The following DGKE variants were observed in gnomAD, a reference collection of about 807,000 sequenced individuals.
DGKE encodes the protein diacylglycerol kinase epsilon.
A neutral mutation model predicts 70.0 loss-of-function variants in DGKE; 53 were observed. The observed-to-expected ratio is 0.76, with a 90% CI of 0.61 to 0.95. DGKE has a LOEUF of 0.95. Among genes scored for constraint, DGKE ranks in the 40% least tolerant of loss-of-function variants. DGKE has a pLI of 0.00. For missense variants in DGKE, 655 were observed against 706.9 expected, an observed-to-expected ratio of 0.93 and a Z score of 0.83; for synonymous variants, 291 against 257.0, an observed-to-expected ratio of 1.13 and a Z score of -1.27.
rs1404893026 is a variant in DGKE, at chr17:56,865,421, A to C, written c.*2630A>C. 2 of 152,170 alleles carry C rather than the reference A, an allele frequency of 1.3e-5. No homozygotes were observed. Among genetic ancestry groups the C allele is most frequent in the African/African-American group, 4.8e-5 (2 of 41,438 alleles). 9.4% of individuals were successfully genotyped at this position (152,170 alleles called of 1,614,324 possible). On this transcript the variant is annotated 3_prime_UTR_variant, in exon 12 of 12. Transcript: ENST00000284061. ...TATAAACGTAGTGGCTTAAATACTG[A>C]ATACCTGGCAGCTCTTAAAGATCCC... is the stretch of plus-strand genomic sequence containing the variant.
At chr17:56,845,611 C>A in intron 3 of DGKE, 79 bp from the exon 4 acceptor site, 1 of 1,418,234 alleles carries the variant, frequency 7.1e-7, no homozygotes. Context: ...AATTATAGCA[C>A]CATTGTTCTC....
At chr17:56,855,077 A>G (rs1907864115) in intron 7 of DGKE, among the ~76,000 whole-genome samples, 1 of 151,898 alleles carries the variant, frequency 6.6e-6, no homozygotes, top group Admixed American at 6.6e-5. Context: ...ATATTGCCCC[A>G]CTCTTAGTTT....
intron 2 of DGKE, among the ~76,000 whole-genome samples, chr17:56,838,050 T>A (rs1375018621): frequency 6.6e-6 from 1 of 152,238 alleles, no homozygotes; most frequent in Non-Finnish European, 1.5e-5. Flanking sequence ...TTTTACATAT[T>A]CAATATATTT....
chr17:56,834,820 C>A lies in DGKE; in HGVS notation c.25C>A (p.Pro9Thr). 1 of 1,605,578 alleles carries A rather than the reference C, an allele frequency of 6.2e-7. No homozygotes were observed. Among genetic ancestry groups the A allele is most frequent in the Admixed American group, 1.7e-5 (1 of 59,726 alleles). MEAERRPA[P>T]GSPSEGLFAD... ...GATGGAAGCGGAGAGGCGGCCGGCG[C>A]CGGGCTCGCCCTCCGAGGGCCTGTT... Residue 9 changes from proline to threonine, a missense_variant, in exon 2 of 12, where the codon CCG becomes ACG. Physicochemically the swap from Pro to Thr is conservative, Grantham distance 38 (BLOSUM62 -1). Coordinates refer to ENST00000284061, the MANE Select transcript of DGKE (RefSeq NM_003647.3).
rs1598057926 is a variant in DGKE at position 56,869,141 on chromosome 17, A to C, written c.*6350A>C. 1 of 152,338 alleles carries C rather than the reference A, an allele frequency of 6.6e-6. No homozygotes were observed. Among genetic ancestry groups the C allele is most frequent in the East Asian group, 1.9e-4 (1 of 5,186 alleles). The allele number at this position is 152,338 out of a possible 1,614,324, so 9.4% of individuals were successfully genotyped here. ...AAGTGCTTACAGGAGCTGGGCAAGC[A>C]ACGAAGGTAAGAGTTGTAGAGACTT... On this transcript the variant is annotated 3_prime_UTR_variant, in exon 12 of 12. Transcript: ENST00000284061.
chr17:56,840,480 AT>A (rs1598019425), intron 2 of DGKE, among the ~76,000 whole-genome samples: 1 of 151,890 alleles, frequency 6.6e-6, no homozygotes, highest in Non-Finnish European at 1.5e-5. Flanking sequence ...GGCTCAAGTG[AT>A]TCACCCGCCT....
At chr17:56,846,663 C>CAAAT (rs3053942) in intron 4 of DGKE, among the ~76,000 whole-genome samples, 112,380 of 151,294 alleles carry the variant, frequency 0.74, 41,895 homozygotes, top group East Asian at 0.91. Context: ...ATTTTAAAGA[C>CAAAT]AACCCATTGT....
chr17:56,836,277 GTC>G (rs1332012861), intron 2 of DGKE: 5 of 152,148 alleles, frequency 3.3e-5, no homozygotes, highest in African/African-American at 1.2e-4. Context: ...CTGTTTTTAA[GTC>G]TTATTTTAAA....
In DGKE at chr17:56,864,980, A is replaced by G. The variant is rs1415868574; in HGVS notation, c.*2189A>G. The G allele has an allele frequency of 1.3e-5, 2 of 152,152 alleles. No individual in the cohort carries two copies. The highest frequency in any genetic ancestry group is 1.5e-5 in the Non-Finnish European group (1 of 67,982). The allele number at this position is 152,152 out of a possible 1,614,324, so 9.4% of individuals were successfully genotyped here. ...GTTTTTGCATCACTACTGGTCTGTC[A>G]TGAAGTTTTTCTGCTGGCTTATTCA... On this transcript the variant is annotated 3_prime_UTR_variant, in exon 12 of 12. Transcript: ENST00000284061.
chr17:56,861,168 A>T (rs1025670766), intron 9 of DGKE, among the ~76,000 whole-genome samples: 44 of 152,180 alleles, frequency 2.9e-4, no homozygotes, highest in African/African-American at 1.1e-3. Flanking sequence ...AGTCAAAGAA[A>T]TCAAAGATAA....
chr17:56,860,242 A>G (rs1445890101), intron 9 of DGKE, among the ~76,000 whole-genome samples: 1 of 152,220 alleles, frequency 6.6e-6, no homozygotes, highest in Admixed American at 6.5e-5. Flanking sequence ...GGGTGAAGAA[A>G]GATATTTAAG....
In DGKE at chr17:56,860,772, C is replaced by A. The variant is rs191915992; in HGVS notation, c.1285-1019C>A. On this transcript the variant is annotated intron_variant, in intron 9 of 11. Transcript: ENST00000284061. ...GATTGCTGTAGGCTAAAAACAGCATCTGCAAAAGACCCAGAGGCATACATG... is the reference window on the plus strand; with the variant it reads ...GATTGCTGTAGGCTAAAAACAGCATATGCAAAAGACCCAGAGGCATACATG... Among the ~76,000 whole-genome samples, 10 of 152,038 alleles carry A rather than the reference C, an allele frequency of 6.6e-5. No individual in the cohort carries two copies. The Middle Eastern group carries it at 0.01, about 157-fold the overall frequency.
rs544096052 is a variant in DGKE at position 56,859,456 on chromosome 17, G to C, written c.1284+791G>C. Among the ~76,000 whole-genome samples, 736 of 149,260 alleles carry C rather than the reference G, an allele frequency of 4.9e-3. 5 individuals are homozygous for C. The highest frequency in any genetic ancestry group is 0.017 in the African/African-American group (699 of 40,524). ...TTTTTTTGAGATGGAGTCTCACTCT[G>C]TCATCCAGGCTGGAGTGCAGTGGTG... On this transcript the variant is annotated intron_variant, in intron 9 of 11. Coordinates refer to ENST00000284061, the MANE Select transcript of DGKE (RefSeq NM_003647.3).
At chr17:56,855,657 G>A (rs9903097) in intron 7 of DGKE, among the ~76,000 whole-genome samples, 110,446 of 152,026 alleles carry the variant, frequency 0.73, 40,361 homozygotes, top group East Asian at 0.91. Flanking sequence ...CTTACCAGCA[G>A]TGTCCAGCAA....
rs1262216582 is a variant in DGKE, at chr17:56,861,769, ATC to A, written c.1285-20_1285-19del. On this transcript the variant is annotated intron_variant, in intron 9 of 11. Transcript: ENST00000284061. ...GGAAATTGTGTATCCTGTAGTCACT[ATC>A]TATTTGTATTTCTTTAAAGCTAGAA... The A allele has an allele frequency of 6.2e-7, 1 of 1,609,472 alleles. No homozygotes were observed. Among genetic ancestry groups the A allele is most frequent in the East Asian group, 2.2e-5 (1 of 44,808 alleles).
At position 56,863,229 on chromosome 17, in the gene DGKE, A is replaced by G. The variant is rs1201894721; in HGVS notation, c.*438A>G. ...TTTGAAAGGAAATGATTACTGTCAA[A>G]CCAGCATGGTTAATTGTGAGCATCC... On this transcript the variant is annotated 3_prime_UTR_variant, in exon 12 of 12. Coordinates refer to ENST00000284061, the MANE Select transcript of DGKE (RefSeq NM_003647.3). 6.5e-6 allele frequency: 1 copy of G among 152,890 alleles called. No individual in the cohort carries two copies. Among genetic ancestry groups the G allele is most frequent in the African/African-American group, 2.4e-5 (1 of 41,460 alleles). The allele number at this position is 152,890 out of a possible 1,614,324, so 9.5% of individuals were successfully genotyped here.
chr17:56,862,305 G>A, intron 11 of DGKE, 54 bp downstream of exon 11: 1 of 1,492,322 alleles, frequency 6.7e-7, no homozygotes, highest in Non-Finnish European at 9.3e-7. Context: ...ATTCTAAGCT[G>A]TTGATATGTA....
rs369616072 is a variant in DGKE, at chr17:56,862,226, G to C, written c.1499G>C (p.Arg500Pro). The change falls in exon 11 of 12, where the codon CGA becomes CCA. Residue 500 changes from arginine to proline, a missense_variant. Coordinates refer to ENST00000284061, the MANE Select transcript of DGKE (RefSeq NM_003647.3). Reference sequence around the variant, plus strand: ...CAAGTAAAACTGGCTAATCCTTTTCGAATAGGACAGGCACATACAGTGAGG... The same window carrying C: ...CAAGTAAAACTGGCTAATCCTTTTCCAATAGGACAGGCACATACAGTGAGG... ...QIQVKLANPF[R>P]IGQAHTVRLI... The C allele has an allele frequency of 1.2e-6, 2 of 1,613,920 alleles. No homozygotes were observed. Among genetic ancestry groups the C allele is most frequent in the South Asian group, 2.2e-5 (2 of 91,040 alleles).
In DGKE at chr17:56,835,061, G is replaced by A; in HGVS notation, c.266G>A (p.Cys89Tyr). ...ATTCTGCAGGGCGCCTTCTGCGACT[G>A]CTGCGGGCTCCGCGTGGACGAGGGC... ...QHILQGAFCD[C>Y]CGLRVDEGCL... The change falls in exon 2 of 12, where the codon TGC becomes TAC. Residue 89 changes from cysteine (C) to tyrosine (Y), a missense_variant. Physicochemically the swap from Cys to Tyr is radical, Grantham distance 194. Coordinates refer to ENST00000284061, the MANE Select transcript of DGKE (RefSeq NM_003647.3). 2 of 1,613,172 alleles carry A rather than the reference G, an allele frequency of 1.2e-6. No homozygotes were observed. The highest frequency in any genetic ancestry group is 1.7e-6 in the Non-Finnish European group (2 of 1,180,028).
Sources: allele counts gnomAD v4.1 joint callset (sites outside exome capture counted in the v4.1 genomes callset), GRCh38; gene constraint gnomAD v4.1.1; transcripts MANE v1.5; gene names NCBI Gene and HGNC (gene_info 2026-07-23, HGNC 2026-07-21).